Variants in CEP162 observed in about 807,000 individuals in gnomAD.
The protein encoded by CEP162 is centrosomal protein of 162 kDa.
CEP162 carries 141 observed loss-of-function variants against 169.2 expected under a neutral mutation model. The ratio of observed to expected loss-of-function variants is 0.83; its 90% confidence interval spans 0.73 to 0.96. The LOEUF (loss-of-function observed/expected upper bound fraction) is 0.96. Ranked by LOEUF, CEP162 falls within the 40% of genes least tolerant of loss-of-function variation. CEP162 has a pLI of 0.00. For missense variants in CEP162, 1,600 were observed against 1,587.2 expected, an observed-to-expected ratio of 1.01 and a Z score of -0.14; for synonymous variants, 540 against 526.4, an observed-to-expected ratio of 1.03 and a Z score of -0.35.
At chr6:84,173,417 G>A (rs1026203271) in intron 16 of CEP162, among the ~76,000 whole-genome samples, 1 of 152,252 alleles carries the variant, frequency 6.6e-6, no homozygotes, top group Non-Finnish European at 1.5e-5. Flanking sequence ...TTAAAACTTT[G>A]TTAAGTCAAA....
rs775249428 is a variant in CEP162 at position 84,185,332 on chromosome 6, T to A, written c.1518A>T (p.Leu506Phe). 7 of 1,613,670 alleles carry A rather than the reference T, an allele frequency of 4.3e-6. No individual in the cohort carries two copies. The highest frequency in any genetic ancestry group is 5.1e-6 in the Non-Finnish European group (6 of 1,179,708). ...AGCCTGAGCTCCTAACTGACGCATA[T>A]AATCCACTCTGGGGTTTCCTTTTAA... The part of the protein sequence containing the change: ...PLLKRKPQSG[L>F]YASVRSSGYG... Residue 506 changes from leucine to phenylalanine, a missense_variant, in exon 13 of 27, where the codon TTA becomes TTT. Physicochemically the swap from Leu to Phe is conservative, Grantham distance 22 (BLOSUM62 0). Coordinates refer to ENST00000403245, the MANE Select transcript of CEP162 (RefSeq NM_014895.4).
rs754193971 is a variant in CEP162 at position 84,186,381 on chromosome 6, T to A, written c.1352A>T (p.Lys451Ile). The A allele has an allele frequency of 2.0e-6, 3 of 1,509,920 alleles. No homozygotes were observed. In the South Asian group the frequency reaches 3.4e-5, roughly 17 times the overall value. 93.5% of individuals were successfully genotyped at this position (1,509,920 alleles called of 1,614,324 possible). A position where few individuals can be genotyped will look rare whatever the true frequency, so the allele number is the denominator to read the frequency against. The change falls in exon 12 of 27, where the codon AAA becomes ATA. Residue 451 changes from lysine to isoleucine, a missense_variant. Coordinates refer to ENST00000403245, the MANE Select transcript of CEP162 (RefSeq NM_014895.4). ...DKMYLNILRK[K>I]ITVNSSSLSQ... is the part of the protein sequence containing the mutation. ...TAATGATGAAGAATTAACAGTTATT[T>A]TTTTCCTCAAAATATTAAGGTACAT...
intron 9 of CEP162, among the ~76,000 whole-genome samples, chr6:84,198,643 A>T (rs1021920043): frequency 1.3e-5 from 2 of 152,188 alleles, no homozygotes; most frequent in Non-Finnish European, 2.9e-5. Context: ...ACAAGTGTTT[A>T]TACTGTATAA....
chr6:84,126,829 T>G (rs2099509133), intron 25 of CEP162, among the ~76,000 whole-genome samples: 1 of 152,276 alleles, frequency 6.6e-6, no homozygotes, highest in South Asian at 2.1e-4. Flanking sequence ...GTATTGTTAG[T>G]AAGATGGTTA....
intron 5 of CEP162, among the ~76,000 whole-genome samples, chr6:84,215,053 T>C (rs911721726): frequency 2.6e-5 from 4 of 152,196 alleles, no homozygotes; most frequent in African/African-American, 9.6e-5. Flanking sequence ...TTAGTCTCAA[T>C]AGCATGAAAT....
intron 6 of CEP162, among the ~76,000 whole-genome samples, chr6:84,211,181 AG>A (rs1207448340): frequency 6.6e-6 from 1 of 152,144 alleles, no homozygotes. Context: ...AAAATGCTAA[AG>A]AATTTTAAAA....
chr6:84,179,798 A>T (rs1296688747), intron 13 of CEP162, among the ~76,000 whole-genome samples: 4 of 152,200 alleles, frequency 2.6e-5, no homozygotes, highest in African/African-American at 7.2e-5. Flanking sequence ...ACCAGGAAGA[A>T]CTTGAATCCC....
chr6:84,125,379 T>C (rs2099508509), intron 26 of CEP162, 103 bp from the exon 27 acceptor site: 2 of 901,782 alleles, frequency 2.2e-6, no homozygotes, highest in African/African-American at 3.3e-5. Context: ...TTTGGGGAAC[T>C]CAGGTAAATC....
chr6:84,138,560 C>T (rs1286287509), intron 25 of CEP162, among the ~76,000 whole-genome samples: 1 of 152,122 alleles, frequency 6.6e-6, no homozygotes, highest in Non-Finnish European at 1.5e-5. Context: ...GGTAGGTATT[C>T]CAATTAAAAG....
intron 6 of CEP162, among the ~76,000 whole-genome samples, chr6:84,208,038 G>C (rs943135980): frequency 2.1e-5 from 1 of 47,468 alleles, no homozygotes. Context: ...TTTTTTTTTT[G>C]TCTCTACAGG....
rs554345701 is a variant in CEP162 at position 84,157,218 on chromosome 6, C to A, written c.2782-1708G>T. ...GATTATGCTACACTTGTCAATATTT[C>A]GGAGATATTTATAGCATGTCTCCAG... On this transcript the variant is annotated intron_variant, in intron 21 of 26. Coordinates refer to ENST00000403245, the MANE Select transcript of CEP162 (RefSeq NM_014895.4). 5.3e-5 allele frequency among the ~76,000 whole-genome samples: 8 copies of A among 152,204 alleles called. No homozygotes were observed. The East Asian group carries it at 9.7e-4, about 18-fold the overall frequency.
intron 17 of CEP162, among the ~76,000 whole-genome samples, chr6:84,171,287 GGTTA>G (rs1419608440): frequency 1.3e-5 from 2 of 152,016 alleles, no homozygotes; most frequent in African/African-American, 4.8e-5. Flanking sequence ...CTTGGGAAAT[GGTTA>G]ATTATCTCAT....
chr6:84,131,833 C>G (rs2099511631), intron 25 of CEP162, among the ~76,000 whole-genome samples: 1 of 152,114 alleles, frequency 6.6e-6, no homozygotes, highest in Non-Finnish European at 1.5e-5. Context: ...AGCATTTAGC[C>G]TATTTACATT....
Position 84,174,134 on chromosome 6 carries a change from C to A in CEP162, c.2080G>T (p.Ala694Ser). The A allele has an allele frequency of 6.2e-7, 1 of 1,610,420 alleles. No individual in the cohort carries two copies. The change falls in exon 16 of 27, where the codon GCA becomes TCA. Residue 694 changes from alanine (A) to serine (S), a missense_variant. Coordinates refer to ENST00000403245, the MANE Select transcript of CEP162 (RefSeq NM_014895.4). The part of the protein sequence containing the change: ...KKQRWLHFGE[A>S]ADPVTGEKLK... ...TTTTCTCCAGTGACAGGATCAGCTG[C>A]TTCTCCAAAATGTAACCACCTTTGT...
At chr6:84,197,251 GAA>G (rs796931000) in intron 9 of CEP162, among the ~76,000 whole-genome samples, 1 of 141,578 alleles carries the variant, frequency 7.1e-6, no homozygotes, top group African/African-American at 2.6e-5. Context: ...ATGAGAAATG[GAA>G]AAAAAAAAAG....
chr6:84,177,757 G>A (rs768984944), intron 13 of CEP162, among the ~76,000 whole-genome samples: 2 of 152,030 alleles, frequency 1.3e-5, no homozygotes, highest in Non-Finnish European at 2.9e-5. Flanking sequence ...GGCTGGTCTC[G>A]AACTCTTTAC....
intron 2 of CEP162, among the ~76,000 whole-genome samples, chr6:84,222,388 T>C (rs2099554046): frequency 6.6e-6 from 1 of 152,250 alleles, no homozygotes; most frequent in African/African-American, 2.4e-5. Flanking sequence ...TCTATTTTAA[T>C]AGCTTTGGCT....
intron 25 of CEP162, among the ~76,000 whole-genome samples, chr6:84,136,052 G>A (rs1401690925): frequency 6.6e-6 from 1 of 152,194 alleles, no homozygotes; most frequent in African/African-American, 2.4e-5. Context: ...CCTGGGCACT[G>A]TGTCTTAAGC....
chr6:84,130,956 G>A (rs551136021), intron 25 of CEP162, among the ~76,000 whole-genome samples: 51 of 152,098 alleles, frequency 3.4e-4, no homozygotes, highest in African/African-American at 1.2e-3. Context: ...TTAGGGTGTT[G>A]ATTTTAGATC....
Sources: allele counts gnomAD v4.1 joint callset (sites outside exome capture counted in the v4.1 genomes callset), GRCh38; gene constraint gnomAD v4.1.1; transcripts MANE v1.5; gene names NCBI Gene and HGNC (gene_info 2026-07-23, HGNC 2026-07-21).